AGBL1: variants seen among roughly 807,000 people sequenced by gnomAD.
AGBL1 encodes AGBL carboxypeptidase 1, also known as cytosolic carboxypeptidase 4.
AGBL1 carries 130 observed loss-of-function variants against 118.9 expected under a neutral mutation model. The ratio of observed to expected loss-of-function variants is 1.09; its 90% CI spans 0.95 to 1.26. The LOEUF (loss-of-function observed/expected upper bound fraction) is 1.26. Among genes scored for constraint, AGBL1 ranks in the 50% most tolerant of loss-of-function variants. The pLI is 0.00. For synonymous variants in AGBL1, 555 were observed against 478.9 expected (o/e 1.16, Z -2.08); for missense variants, 1,584 against 1,298.1 (o/e 1.22, Z -3.38).
chr15:86,611,490 T>G (rs1454485038), intron 21 of AGBL1, among the ~76,000 whole-genome samples: 1 of 152,160 alleles, frequency 6.6e-6, no homozygotes, highest in Non-Finnish European at 1.5e-5. Flanking sequence ...GCCTAGAATT[T>G]GAACTCAACC....
At chr15:86,773,256 A>G (rs1035073977) in intron 22 of AGBL1, among the ~76,000 whole-genome samples, 3 of 152,016 alleles carry the variant, frequency 2.0e-5, no homozygotes, top group Non-Finnish European at 4.4e-5. Flanking sequence ...TGAATTCAAC[A>G]TGGTAATGCA....
chr15:86,800,045 A>T (rs1212360539), intron 22 of AGBL1, among the ~76,000 whole-genome samples: 1 of 152,060 alleles, frequency 6.6e-6, no homozygotes, highest in African/African-American at 2.4e-5. Context: ...ATTTTTCATT[A>T]TTCTCATTTT....
At chr15:86,607,431 A>T (rs1320196470) in intron 21 of AGBL1, among the ~76,000 whole-genome samples, 2 of 152,160 alleles carry the variant, frequency 1.3e-5, no homozygotes, top group East Asian at 3.9e-4. Context: ...CATTTGGGTA[A>T]ATGGCAAGGA....
chr15:86,740,890 C>T (rs971878464), intron 22 of AGBL1, among the ~76,000 whole-genome samples: 4 of 152,118 alleles, frequency 2.6e-5, no homozygotes, highest in Admixed American at 2.0e-4. Context: ...AACTGGAATG[C>T]CGCAGGATCC....
At chr15:86,694,988 C>T (rs562894808) in intron 22 of AGBL1, among the ~76,000 whole-genome samples, 14 of 152,022 alleles carry the variant, frequency 9.2e-5, no homozygotes, top group Admixed American at 2.0e-4. Flanking sequence ...CTGTTGGATT[C>T]GGTTAGCTAG....
intron 22 of AGBL1, among the ~76,000 whole-genome samples, chr15:86,706,760 G>T (rs1335849308): frequency 2.0e-5 from 3 of 151,926 alleles, no homozygotes; most frequent in African/African-American, 4.8e-5. Context: ...TGAGGATTTT[G>T]CAAAATAAGC....
At chr15:86,886,920 C>T (rs190874663) in intron 22 of AGBL1, among the ~76,000 whole-genome samples, 5 of 152,242 alleles carry the variant, frequency 3.3e-5, no homozygotes, top group African/African-American at 9.6e-5. Context: ...TCCTTTCTCT[C>T]GCCAAGTGTG....
chr15:86,485,103 G>T (rs1290807339), intron 18 of AGBL1, among the ~76,000 whole-genome samples: 2 of 152,240 alleles, frequency 1.3e-5, no homozygotes, highest in East Asian at 3.9e-4. Context: ...CAGTCTAAAT[G>T]CCACCAGAAC....
chr15:86,081,537 C>T (rs1269615406), intron 1 of AGBL1, among the ~76,000 whole-genome samples: 1 of 152,200 alleles, frequency 6.6e-6, no homozygotes, highest in African/African-American at 2.4e-5. Context: ...CTATCTGATT[C>T]ATGCAAGGTG....
At chr15:86,102,593 C>T (rs958163770) in intron 1 of AGBL1, among the ~76,000 whole-genome samples, 1 of 152,190 alleles carries the variant, frequency 6.6e-6, no homozygotes, top group Non-Finnish European at 1.5e-5. Flanking sequence ...CCCACCAGCA[C>T]TTTTAATATA....
At chr15:86,240,059 G>A (rs997700230) in intron 6 of AGBL1, among the ~76,000 whole-genome samples, 7 of 152,194 alleles carry the variant, frequency 4.6e-5, no homozygotes, top group Admixed American at 1.3e-4. Context: ...GGAGTCAGAT[G>A]AGGGGATTTC....
chr15:86,895,224 A>T (rs1326898758), intron 22 of AGBL1, among the ~76,000 whole-genome samples: 1 of 150,540 alleles, frequency 6.6e-6, no homozygotes, highest in Admixed American at 6.6e-5. Flanking sequence ...GATGTAAAAC[A>T]TTATATTCTT....
intron 17 of AGBL1, among the ~76,000 whole-genome samples, chr15:86,349,507 T>A (rs893613011): frequency 2.0e-5 from 3 of 152,202 alleles, no homozygotes; most frequent in Non-Finnish European, 2.9e-5. Context: ...GGACTTTGTG[T>A]GTTGGTATGT....
chr15:86,318,583 A>C (rs948531104), intron 17 of AGBL1, among the ~76,000 whole-genome samples: 1 of 152,062 alleles, frequency 6.6e-6, no homozygotes, highest in African/African-American at 2.4e-5. Context: ...GTAGTCAAAC[A>C]ATGTTAGAGT....
chr15:86,642,486 G>GT (rs1334599802), intron 21 of AGBL1, among the ~76,000 whole-genome samples: 1 of 151,724 alleles, frequency 6.6e-6, no homozygotes, highest in Non-Finnish European at 1.5e-5. Context: ...TTGGCTGTTA[G>GT]TTTACAGTGA....
chr15:86,761,781 G>A (rs889245093), intron 22 of AGBL1, among the ~76,000 whole-genome samples: 5 of 152,038 alleles, frequency 3.3e-5, no homozygotes, highest in Non-Finnish European at 5.9e-5. Flanking sequence ...TTCTCTGTAG[G>A]TTGTGTTTTT....
At chr15:86,141,895 A>G (rs2076968312) in intron 1 of AGBL1, 109 bp from the exon 2 acceptor site, 1 of 1,130,916 alleles carries the variant, frequency 8.8e-7, no homozygotes, top group African/African-American at 1.5e-5. Context: ...GCTGTAGTTA[A>G]TCTTTCTCCA....
At chr15:86,198,662 TTCTC>T (rs148093995) in intron 5 of AGBL1, among the ~76,000 whole-genome samples, 12 of 150,084 alleles carry the variant, frequency 8.0e-5, no homozygotes, top group East Asian at 2.0e-4. Flanking sequence ...GAGGAAGATT[TTCTC>T]TCTCTCTCTC....
At chr15:86,082,083 G>A (rs1289973382) in intron 1 of AGBL1, among the ~76,000 whole-genome samples, 1 of 152,168 alleles carries the variant, frequency 6.6e-6, no homozygotes, top group Non-Finnish European at 1.5e-5. Flanking sequence ...ATTGACCTGG[G>A]TTCCTGGCCT....
Sources: allele counts gnomAD v4.1 joint callset (sites outside exome capture counted in the v4.1 genomes callset), GRCh38; gene constraint gnomAD v4.1.1; transcripts MANE v1.5; gene names NCBI Gene and HGNC (gene_info 2026-07-23, HGNC 2026-07-21).